SRGAP2C: variants seen among roughly 807,000 people sequenced by gnomAD.
SRGAP2C encodes SLIT-ROBO Rho GTPase activating protein 2C, also known as SLIT-ROBO Rho GTPase-activating protein 2C.
In SRGAP2C, 15 loss-of-function variants were observed where a neutral mutation model predicts 25.1. That is an observed-to-expected ratio of 0.60 (90% confidence interval 0.40 to 0.92). The LOEUF (loss-of-function observed/expected upper bound fraction) is 0.92, where lower values mean the gene tolerates loss of function less well. Among genes scored for constraint, SRGAP2C ranks in the 40% least tolerant of loss-of-function variants. The pLI is 0.00. For synonymous variants in SRGAP2C, 44 were observed against 96.6 expected (o/e 0.46, Z 3.19); for missense variants, 144 against 264.4 (o/e 0.54, Z 3.16).
At chr1:121,352,675 A>T (rs587703252) in intron 4 of SRGAP2C, among the ~76,000 whole-genome samples, 1 of 149,816 alleles carries the variant, frequency 6.7e-6, no homozygotes, top group South Asian at 2.2e-4. Flanking sequence ...GAGAAAATAT[A>T]TCGCCAGCAG....
At chr1:121,371,743 ATTC>A (rs1291586339) in intron 5 of SRGAP2C, among the ~76,000 whole-genome samples, 5 of 129,892 alleles carry the variant, frequency 3.8e-5, no homozygotes, top group Non-Finnish European at 6.4e-5. Context: ...TGGTAGCGCT[ATTC>A]TTTGACCTCT....
intron 2 of SRGAP2C, among the ~76,000 whole-genome samples, chr1:121,223,708 C>T (rs1427388995): frequency 2.3e-5 from 1 of 43,252 alleles, no homozygotes. Context: ...CTTGATGGTT[C>T]TGTTGTACTT....
rs1462611496 is a variant in SRGAP2C at position 121,192,002 on chromosome 1, G to A, written c.67+4489G>A. ...TCTGGAGCATTTTGATAGAAAAAGT[G>A]CAGGCCTTTGCTTGGAACAGTTTAA... On this transcript the variant is annotated intron_variant, in intron 2 of 9. Transcript: ENST00000367123. Among the ~76,000 whole-genome samples the A allele has an allele frequency of 1.3e-5, 2 of 150,826 alleles. 1 individual carries two copies. The highest frequency in any genetic ancestry group is 4.2e-4 in the South Asian group (2 of 4,760).
intron 2 of SRGAP2C, among the ~76,000 whole-genome samples, chr1:121,260,746 C>CT (rs1558098235): frequency 4.2e-3 from 404 of 95,184 alleles, no homozygotes; most frequent in Non-Finnish European, 6.7e-3. Flanking sequence ...CCCCACCCCC[C>CT]ATTCTCTGGC....
chr1:121,260,168 C>G (rs1292041005), intron 2 of SRGAP2C, among the ~76,000 whole-genome samples: 1 of 147,880 alleles, frequency 6.8e-6, no homozygotes, highest in Non-Finnish European at 1.5e-5. Context: ...GTGCCTGGCC[C>G]AGGTTGCATT....
At position 121,256,135 on chromosome 1, in the gene SRGAP2C, AAAAC is replaced by A. The variant is rs1444889810; in HGVS notation, c.68-28656_68-28653del. Among the ~76,000 whole-genome samples, 42 of 119,466 alleles carry A rather than the reference AAAAC, an allele frequency of 3.5e-4. 1 individual carries two copies. The highest frequency in any genetic ancestry group is 1.3e-3 in the African/African-American group (40 of 31,616). The allele number at this position is 119,466 out of a possible 152,430, so 78.4% of individuals were successfully genotyped here. A position where few individuals can be genotyped will look rare whatever the true frequency, so the allele number is the denominator to read the frequency against. On this transcript the variant is annotated intron_variant, in intron 2 of 9. Transcript: ENST00000367123. ...TGGGTGACGCAGCAAGACCCTGTCT[AAAAC>A]AAACAAACAAAAAACTAGGGTGGTT...
Position 121,308,127 on chromosome 1 carries a change from C to T in SRGAP2C, c.261-16351C>T, listed in dbSNP as rs1553339667. On this transcript the variant is annotated intron_variant, in intron 3 of 9. Coordinates refer to ENST00000367123, the MANE Select transcript of SRGAP2C (RefSeq NM_001329984.2). Reference sequence around the variant, plus strand: ...CATTGTCCATTAACTCTTTCAGCACCAGCCCTTTGAGATGCTAAGGGCTTT... The same window carrying T: ...CATTGTCCATTAACTCTTTCAGCACTAGCCCTTTGAGATGCTAAGGGCTTT... 4.1e-3 allele frequency among the ~76,000 whole-genome samples: 566 copies of T among 138,398 alleles called. 10 individuals carry two copies. The highest frequency in any genetic ancestry group is 0.014 in the African/African-American group (522 of 37,292). 90.8% of individuals were successfully genotyped at this position (138,398 alleles called of 152,430 possible).
At chr1:121,305,190 G>A (rs1185918325) in intron 3 of SRGAP2C, among the ~76,000 whole-genome samples, 15 of 151,910 alleles carry the variant, frequency 9.9e-5, no homozygotes, top group African/African-American at 3.6e-4. Flanking sequence ...TGCATTTAGC[G>A]AACCAAGAAT....
At chr1:121,353,479 G>T (rs1658977576) in intron 4 of SRGAP2C, among the ~76,000 whole-genome samples, 1 of 143,274 alleles carries the variant, frequency 7.0e-6, no homozygotes, top group African/African-American at 2.6e-5. Context: ...CACCACACCA[G>T]GCCAACCCTG....
intron 2 of SRGAP2C, among the ~76,000 whole-genome samples, chr1:121,270,744 T>C (rs1656927456): frequency 2.8e-5 from 4 of 142,962 alleles, no homozygotes; most frequent in Admixed American, 1.4e-4. Context: ...TTTGAAACAA[T>C]AGCAGATATA....
chr1:121,234,477 TCAGGATG>T (rs1477797364), intron 2 of SRGAP2C, among the ~76,000 whole-genome samples: 3 of 148,838 alleles, frequency 2.0e-5, no homozygotes, highest in Non-Finnish European at 3.0e-5. Context: ...CAGTGGTGTG[TCAGGATG>T]CGGGTTTTCT....
chr1:121,340,345 A>C (rs1170956617), intron 4 of SRGAP2C, among the ~76,000 whole-genome samples: 6 of 152,152 alleles, frequency 3.9e-5, no homozygotes, highest in African/African-American at 2.4e-5. Flanking sequence ...GGAAAACCAC[A>C]TAGTCTACCT....
In SRGAP2C at chr1:121,392,046, A is replaced by C. The variant is rs1340911066; in HGVS notation, c.*4191A>C. On this transcript the variant is annotated 3_prime_UTR_variant, in exon 10 of 10. Transcript: ENST00000367123. Reference sequence around the variant, plus strand: ...CTGGAGTGGAAAACTACAATGATAAAAATTTAAAAATCACCAGAGGGATTT... The same window carrying C: ...CTGGAGTGGAAAACTACAATGATAACAATTTAAAAATCACCAGAGGGATTT... 31 of 152,184 alleles carry C rather than the reference A, an allele frequency of 2.0e-4. No individual in the cohort carries two copies. The highest frequency in any genetic ancestry group is 7.5e-4 in the African/African-American group (31 of 41,452). The allele number at this position is 152,184 out of a possible 1,614,324, so 9.4% of individuals were successfully genotyped here.
At chr1:121,287,798 G>T (rs1175777677) in intron 3 of SRGAP2C, among the ~76,000 whole-genome samples, 5 of 152,186 alleles carry the variant, frequency 3.3e-5, no homozygotes, top group African/African-American at 1.2e-4. Context: ...TGGGTTCATG[G>T]TCTCGCTGGC....
chr1:121,343,220 T>A (rs1322485506), intron 4 of SRGAP2C, among the ~76,000 whole-genome samples: 6 of 151,812 alleles, frequency 4.0e-5, no homozygotes, highest in Non-Finnish European at 5.9e-5. Flanking sequence ...GTCCTTCTGA[T>A]GAAACACAAG....
At chr1:121,278,889 A>T (rs1222805906) in intron 2 of SRGAP2C, among the ~76,000 whole-genome samples, 1 of 150,228 alleles carries the variant, frequency 6.7e-6, no homozygotes, top group Non-Finnish European at 1.5e-5. Context: ...TGTTGTGATA[A>T]GAAGTCTTGG....
At chr1:121,305,135 G>A (rs1657799930) in intron 3 of SRGAP2C, among the ~76,000 whole-genome samples, 1 of 149,942 alleles carries the variant, frequency 6.7e-6, no homozygotes, top group Non-Finnish European at 1.5e-5. Context: ...TTTCTCCTAA[G>A]CCTGCTCCTA....
chr1:121,285,922 G>T lies in SRGAP2C; in HGVS notation c.260+927G>T, dbSNP rs1413934649. 2.0e-5 allele frequency among the ~76,000 whole-genome samples: 3 copies of T among 151,806 alleles called. No homozygotes were observed. In the East Asian group the frequency reaches 5.8e-4, roughly 29 times the overall value. On this transcript the variant is annotated intron_variant, in intron 3 of 9. Transcript: ENST00000367123. ...GGTGTCCAATCTTTTGTTCTCCCTG[G>T]GCCACATTGGAAGAAGAAGAATTGT...
intron 2 of SRGAP2C, among the ~76,000 whole-genome samples, chr1:121,207,986 G>C (rs1655158145): frequency 6.6e-6 from 1 of 151,732 alleles, no homozygotes; most frequent in Admixed American, 6.6e-5. Flanking sequence ...TCTGACCCTT[G>C]CCATCAACTA....
Sources: gnomAD v4.1 joint callset for allele counts (sites outside exome capture counted in the v4.1 genomes callset) on GRCh38, gnomAD v4.1.1 for gene constraint, MANE v1.5 for transcripts, NCBI Gene and HGNC (gene_info 2026-07-23, HGNC 2026-07-21) for gene names.